LRRTM4: variants seen among roughly 807,000 people sequenced by gnomAD.
The protein encoded by LRRTM4 is leucine-rich repeat transmembrane neuronal protein 4.
A neutral mutation model predicts 47.6 loss-of-function variants in LRRTM4; 25 were observed. The ratio of observed to expected loss-of-function variants is 0.53; its 90% CI spans 0.38 to 0.73. LRRTM4 has a LOEUF of 0.73. Among genes scored for constraint, LRRTM4 ranks in the 30% least tolerant of loss-of-function variants. The pLI, the probability that LRRTM4 is intolerant of heterozygous loss-of-function variation, is 0.00. For synonymous variants in LRRTM4, 311 were observed against 269.5 expected (o/e 1.15, Z -1.51); for missense variants, 638 against 713.4 (o/e 0.89, Z 1.20).
chr2:77,068,325 A>G (rs185756833), intron 3 of LRRTM4, among the ~76,000 whole-genome samples: 1 of 152,246 alleles, frequency 6.6e-6, no homozygotes, highest in African/African-American at 2.4e-5. Context: ...CACATACCAT[A>G]AAAGTCACCT....
intron 3 of LRRTM4, among the ~76,000 whole-genome samples, chr2:76,960,531 CT>C (rs1675820912): frequency 6.6e-6 from 1 of 151,292 alleles, no homozygotes; most frequent in Non-Finnish European, 1.5e-5. Context: ...ACTGTGAGAC[CT>C]TATTATCCAG....
intron 3 of LRRTM4, among the ~76,000 whole-genome samples, chr2:77,243,175 G>T (rs187604204): frequency 1.3e-3 from 203 of 152,276 alleles, no homozygotes; most frequent in African/African-American, 4.6e-3. Flanking sequence ...CACTTTGGGA[G>T]GCCGAGGCGG....
intron 3 of LRRTM4, among the ~76,000 whole-genome samples, chr2:77,200,934 C>A (rs905006318): frequency 6.6e-6 from 1 of 152,132 alleles, no homozygotes; most frequent in African/African-American, 2.4e-5. Context: ...TCATGCCCAC[C>A]ACTAGCCAAA....
intron 3 of LRRTM4, among the ~76,000 whole-genome samples, chr2:77,496,803 G>C (rs1678380694): frequency 6.6e-6 from 1 of 151,474 alleles, no homozygotes; most frequent in African/African-American, 2.4e-5. Flanking sequence ...TGGCCTTCTT[G>C]AATGAGTTGG....
intron 3 of LRRTM4, among the ~76,000 whole-genome samples, chr2:77,510,368 T>A (rs1246599913): frequency 6.6e-6 from 1 of 152,062 alleles, no homozygotes; most frequent in African/African-American, 2.4e-5. Context: ...GAAATGCAAA[T>A]ATAGAATTTA....
At chr2:76,992,650 C>T (rs954664429) in intron 3 of LRRTM4, among the ~76,000 whole-genome samples, 1 of 151,666 alleles carries the variant, frequency 6.6e-6, no homozygotes, top group Admixed American at 6.6e-5. Flanking sequence ...GAAAAACAAT[C>T]CATGTTCATG....
At chr2:77,292,510 T>A (rs926005688) in intron 3 of LRRTM4, among the ~76,000 whole-genome samples, 1 of 152,010 alleles carries the variant, frequency 6.6e-6, no homozygotes, top group African/African-American at 2.4e-5. Context: ...TGGAATACTA[T>A]GCAGCCATAA....
At chr2:77,091,958 A>T (rs184496265) in intron 3 of LRRTM4, among the ~76,000 whole-genome samples, 24,164 of 140,036 alleles carry the variant, frequency 0.17, 3,202 homozygotes, top group East Asian at 0.42. Flanking sequence ...CCAGGACCAC[A>T]CCCTGTAGCC....
At chr2:76,773,965 G>GA (rs1180582072) in intron 3 of LRRTM4, among the ~76,000 whole-genome samples, 1 of 151,542 alleles carries the variant, frequency 6.6e-6, no homozygotes, top group African/African-American at 2.4e-5. Context: ...ATAGCTGTTT[G>GA]AGAAAAAAAT....
chr2:76,997,722 C>T (rs1270836007), intron 3 of LRRTM4, among the ~76,000 whole-genome samples: 1 of 152,082 alleles, frequency 6.6e-6, no homozygotes, highest in African/African-American at 2.4e-5. Context: ...AGAGCAGTAC[C>T]AGTCCATGGC....
intron 3 of LRRTM4, among the ~76,000 whole-genome samples, chr2:77,036,306 C>A (rs1293187928): frequency 6.6e-6 from 1 of 151,750 alleles, no homozygotes; most frequent in Non-Finnish European, 1.5e-5. Context: ...CACATTTCTA[C>A]ATAGATATTT....
At chr2:77,358,583 C>A (rs944401814) in intron 3 of LRRTM4, among the ~76,000 whole-genome samples, 1 of 152,170 alleles carries the variant, frequency 6.6e-6, no homozygotes, top group African/African-American at 2.4e-5. Context: ...AATTTTCCCA[C>A]ATATTTGAAT....
intron 3 of LRRTM4, among the ~76,000 whole-genome samples, chr2:77,442,921 CT>C (rs1438024469): frequency 6.6e-6 from 1 of 152,114 alleles, no homozygotes; most frequent in Non-Finnish European, 1.5e-5. Context: ...ATGGGTCCCT[CT>C]TATGGCTTAA....
chr2:77,388,103 G>C (rs1673355888), intron 3 of LRRTM4, among the ~76,000 whole-genome samples: 1 of 151,640 alleles, frequency 6.6e-6, no homozygotes, highest in South Asian at 2.1e-4. Context: ...TGTGATGCAG[G>C]ACTGAGGAAC....
chr2:77,487,143 C>A (rs1489490603), intron 3 of LRRTM4, among the ~76,000 whole-genome samples: 3 of 152,198 alleles, frequency 2.0e-5, no homozygotes, highest in African/African-American at 7.2e-5. Context: ...GCAGGATCCA[C>A]AGAGCCAATG....
At chr2:77,113,557 G>A (rs1237361174) in intron 3 of LRRTM4, among the ~76,000 whole-genome samples, 1 of 152,166 alleles carries the variant, frequency 6.6e-6, no homozygotes, top group East Asian at 1.9e-4. Flanking sequence ...GACGGAGTCA[G>A]CATAGAAGTG....
At chr2:77,173,152 A>T (rs1166321054) in intron 3 of LRRTM4, among the ~76,000 whole-genome samples, 5 of 152,200 alleles carry the variant, frequency 3.3e-5, no homozygotes, top group Admixed American at 1.3e-4. Context: ...AATGTAAATA[A>T]ACCCAGGGAT....
intron 3 of LRRTM4, among the ~76,000 whole-genome samples, chr2:77,067,712 CACACATACAT>C (rs1422610719): frequency 6.6e-6 from 1 of 151,298 alleles, no homozygotes; most frequent in African/African-American, 2.4e-5. Flanking sequence ...CACACACACA[CACACATACAT>C]ATTTCAGGAA....
At chr2:76,873,461 C>T (rs200132666) in intron 3 of LRRTM4, among the ~76,000 whole-genome samples, 8 of 118,084 alleles carry the variant, frequency 6.8e-5, no homozygotes, top group South Asian at 2.9e-4. Flanking sequence ...ATATATATAA[C>T]GTGTGTGTGT....
Sources: allele counts gnomAD v4.1 joint callset (sites outside exome capture counted in the v4.1 genomes callset), GRCh38; gene constraint gnomAD v4.1.1; transcripts MANE v1.5; gene names NCBI Gene and HGNC (gene_info 2026-07-23, HGNC 2026-07-21).